Variants in RSPO2 observed in about 807,000 individuals in gnomAD.
The protein encoded by RSPO2 is R-spondin 2, also known as R-spondin-2.
RSPO2 carries 14 observed loss-of-function variants against 30.9 expected under a neutral mutation model. That is an observed-to-expected ratio of 0.45 (90% CI 0.30 to 0.71). The LOEUF is 0.71. RSPO2 is among the 30% of genes least tolerant of loss of function. RSPO2 has a pLI of 0.08. For synonymous variants in RSPO2, 107 were observed against 96.4 expected, an observed-to-expected ratio of 1.11 and a Z score of -0.64; for missense variants, 264 against 301.9, an observed-to-expected ratio of 0.87 and a Z score of 0.93.
chr8:107,976,363 C>T (rs928942149), intron 3 of RSPO2, among the ~76,000 whole-genome samples: 1 of 152,204 alleles, frequency 6.6e-6, no homozygotes, highest in Non-Finnish European at 1.5e-5. Flanking sequence ...GCTCTCCATA[C>T]TGTGTGTCCT....
At chr8:108,037,724 T>C (rs1281423748) in intron 2 of RSPO2, among the ~76,000 whole-genome samples, 1 of 152,204 alleles carries the variant, frequency 6.6e-6, no homozygotes, top group Non-Finnish European at 1.5e-5. Flanking sequence ...AGGCCAATGC[T>C]CATTTACACC....
At chr8:107,980,515 C>T (rs867862989) in intron 3 of RSPO2, among the ~76,000 whole-genome samples, 2 of 152,064 alleles carry the variant, frequency 1.3e-5, no homozygotes, top group African/African-American at 4.8e-5. Context: ...AAGATTAAAC[C>T]TAAAGTAAAA....
intron 2 of RSPO2, among the ~76,000 whole-genome samples, chr8:108,014,001 A>G (rs543224885): frequency 6.6e-6 from 1 of 152,284 alleles, no homozygotes; most frequent in East Asian, 1.9e-4. Context: ...AATTTACAAG[A>G]AAAAAACAAC....
intron 2 of RSPO2, among the ~76,000 whole-genome samples, chr8:108,015,625 C>A (rs1810867336): frequency 6.6e-6 from 1 of 151,262 alleles, no homozygotes; most frequent in Admixed American, 6.6e-5. Flanking sequence ...AATGCCTCAC[C>A]CCCAACCCTT....
At chr8:108,019,148 T>TA (rs1491048786) in intron 2 of RSPO2, among the ~76,000 whole-genome samples, 5 of 152,168 alleles carry the variant, frequency 3.3e-5, no homozygotes, top group South Asian at 4.1e-4. Flanking sequence ...CTTATTTTTT[T>TA]AAAAAAACAC....
At chr8:107,962,309 T>A (rs1188853421) in intron 3 of RSPO2, among the ~76,000 whole-genome samples, 1 of 152,180 alleles carries the variant, frequency 6.6e-6, no homozygotes, top group Non-Finnish European at 1.5e-5. Flanking sequence ...TTAAAATAGA[T>A]CACATAAGAA....
chr8:108,062,711 T>C (rs1485546936), intron 2 of RSPO2, among the ~76,000 whole-genome samples: 1 of 151,674 alleles, frequency 6.6e-6, no homozygotes, highest in African/African-American at 2.4e-5. Context: ...GATATCAAAG[T>C]CTGGCAGAGA....
intron 3 of RSPO2, among the ~76,000 whole-genome samples, chr8:107,967,386 A>C (rs920424989): frequency 3.9e-5 from 6 of 152,216 alleles, no homozygotes; most frequent in Non-Finnish European, 1.5e-5. Context: ...TGTTATCAAA[A>C]TCATGCATTT....
chr8:108,023,424 C>A lies in RSPO2; in HGVS notation c.95-34180G>T, dbSNP rs116285708. ...CAAGAGAGTCTTTGTCAAGGAAACC[C>A]GAGTTCAAGTGCATGAGGATCAGAT... On this transcript the variant is annotated intron_variant, in intron 2 of 5. Coordinates refer to ENST00000276659, the MANE Select transcript of RSPO2 (RefSeq NM_178565.5). Among the ~76,000 whole-genome samples, 5 of 152,216 alleles carry A rather than the reference C, an allele frequency of 3.3e-5. No individual in the cohort carries two copies. In the South Asian group the frequency reaches 1.0e-3, roughly 32 times the overall value.
intron 2 of RSPO2, among the ~76,000 whole-genome samples, chr8:108,031,413 A>G (rs1156411482): frequency 6.6e-6 from 1 of 152,234 alleles, no homozygotes; most frequent in Non-Finnish European, 1.5e-5. Flanking sequence ...AAAAATTGTA[A>G]TGGTTATTAC....
At chr8:107,919,614 T>A (rs645772) in intron 5 of RSPO2, among the ~76,000 whole-genome samples, 117,932 of 151,992 alleles carry the variant, frequency 0.78, 45,891 homozygotes, top group East Asian at 0.9. Context: ...CACCAGCCAG[T>A]TTGATAAACT....
intron 2 of RSPO2, among the ~76,000 whole-genome samples, chr8:108,067,853 C>T (rs1586675510): frequency 6.6e-6 from 1 of 152,168 alleles, no homozygotes; most frequent in African/African-American, 2.4e-5. Context: ...TTTTGGGAGG[C>T]CGAGGCAGGC....
At chr8:108,019,128 A>G (rs1361983042) in intron 2 of RSPO2, among the ~76,000 whole-genome samples, 1 of 152,152 alleles carries the variant, frequency 6.6e-6, no homozygotes, top group African/African-American at 2.4e-5. Context: ...TGAACTACCC[A>G]ACACTGATTC....
At chr8:108,065,044 A>G (rs1812616108) in intron 2 of RSPO2, among the ~76,000 whole-genome samples, 1 of 152,090 alleles carries the variant, frequency 6.6e-6, no homozygotes, top group Non-Finnish European at 1.5e-5. Flanking sequence ...AGGGGGAGGG[A>G]TAGCATTAGG....
At chr8:108,071,682 C>T (rs1417125870) in intron 2 of RSPO2, among the ~76,000 whole-genome samples, 1 of 152,196 alleles carries the variant, frequency 6.6e-6, no homozygotes, top group Non-Finnish European at 1.5e-5. Flanking sequence ...CCTCATATCT[C>T]CTTAGAAGAG....
chr8:108,078,977 T>G (rs1813101817), intron 2 of RSPO2, among the ~76,000 whole-genome samples: 2 of 152,240 alleles, frequency 1.3e-5, no homozygotes, highest in Non-Finnish European at 2.9e-5. Flanking sequence ...AATAAAGTTA[T>G]GATTTGTCTA....
chr8:108,064,960 G>A (rs1812611146), intron 2 of RSPO2, among the ~76,000 whole-genome samples: 1 of 151,940 alleles, frequency 6.6e-6, no homozygotes, highest in Admixed American at 6.6e-5. Context: ...TCATAGTTGG[G>A]AACTGAACAA....
chr8:107,916,089 T>C (rs1811972975), intron 5 of RSPO2, among the ~76,000 whole-genome samples: 2 of 152,192 alleles, frequency 1.3e-5, no homozygotes, highest in African/African-American at 2.4e-5. Flanking sequence ...GTGATGTTTA[T>C]ATATAAAAGA....
intron 5 of RSPO2, among the ~76,000 whole-genome samples, chr8:107,943,050 C>T (rs1812949375): frequency 6.6e-6 from 1 of 152,230 alleles, no homozygotes; most frequent in South Asian, 2.1e-4. Context: ...GATGAGATTT[C>T]ATCAGGCTGC....
Sources: allele counts gnomAD v4.1 joint callset (sites outside exome capture counted in the v4.1 genomes callset), GRCh38; gene constraint gnomAD v4.1.1; transcripts MANE v1.5; gene names NCBI Gene and HGNC (gene_info 2026-07-23, HGNC 2026-07-21).